Variants in SPHKAP observed in about 807,000 individuals in gnomAD.
SPHKAP encodes A-kinase anchor protein SPHKAP.
Under a neutral mutation model 137.5 loss-of-function variants are expected in SPHKAP, and 67 were observed. The ratio of observed to expected loss-of-function variants is 0.49; its 90% CI spans 0.40 to 0.60. The LOEUF (loss-of-function observed/expected upper bound fraction) is 0.60, where lower values mean the gene tolerates loss of function less well. Among genes scored for constraint, SPHKAP ranks in the 20% least tolerant of loss-of-function variants. SPHKAP has a pLI of 0.00. For synonymous variants in SPHKAP, 813 were observed against 785.3 expected (o/e 1.04, Z -0.59); for missense variants, 2,097 against 2,069.3 (o/e 1.01, Z -0.26).
At chr2:228,129,395 T>C (rs1396564143) in intron 2 of SPHKAP, among the ~76,000 whole-genome samples, 4 of 152,190 alleles carry the variant, frequency 2.6e-5, no homozygotes, top group Admixed American at 2.6e-4. Flanking sequence ...ATAGTTTAAC[T>C]TATGAATTAT....
At chr2:228,058,836 G>A (rs1443968427) in intron 3 of SPHKAP, among the ~76,000 whole-genome samples, 1 of 152,012 alleles carries the variant, frequency 6.6e-6, no homozygotes, top group African/African-American at 2.4e-5. Context: ...TCACCTTTTT[G>A]GGCAAACAGT....
At chr2:228,158,176 G>T (rs1700164857) in intron 1 of SPHKAP, among the ~76,000 whole-genome samples, 1 of 152,176 alleles carries the variant, frequency 6.6e-6, no homozygotes, top group African/African-American at 2.4e-5. Flanking sequence ...TCTGTTCAAT[G>T]TTGACCATAC....
intron 1 of SPHKAP, among the ~76,000 whole-genome samples, chr2:228,158,920 A>G (rs1162934414): frequency 1.3e-5 from 2 of 152,144 alleles, no homozygotes; most frequent in East Asian, 3.9e-4. Context: ...AAATACTTCC[A>G]ATTTTGCTCT....
intron 2 of SPHKAP, chr2:228,131,310 C>G: frequency 1.0e-6 from 1 of 985,110 alleles, no homozygotes. Flanking sequence ...GAAACATATA[C>G]TTCCCTGGAA....
At chr2:228,129,916 C>T (rs1199878021) in intron 2 of SPHKAP, among the ~76,000 whole-genome samples, 3 of 151,506 alleles carry the variant, frequency 2.0e-5, no homozygotes. Flanking sequence ...CTTGTCTCAA[C>T]CGCCCGAGTA....
At chr2:228,092,975 G>A (rs1697855487) in intron 3 of SPHKAP, among the ~76,000 whole-genome samples, 1 of 151,954 alleles carries the variant, frequency 6.6e-6, no homozygotes, top group Admixed American at 6.6e-5. Flanking sequence ...CTCAGGTAAT[G>A]GGTGCACCAA....
chr2:228,038,282 G>C (rs543508563), intron 3 of SPHKAP, among the ~76,000 whole-genome samples: 25 of 152,336 alleles, frequency 1.6e-4, no homozygotes, highest in African/African-American at 6.0e-4. Flanking sequence ...GGCTGAATTT[G>C]AGGTGAGCTT....
rs776329075 is a variant in SPHKAP at position 228,019,428 on chromosome 2, A to T, written c.1426T>A (p.Ser476Thr). 3.7e-6 allele frequency: 6 copies of T among 1,614,038 alleles called. No individual in the cohort carries two copies. The highest frequency in any genetic ancestry group is 1.3e-5 in the African/African-American group (1 of 74,920). Residue 476 changes from serine to threonine, a missense_variant, in exon 7 of 12, where the codon TCT becomes ACT. Ser to Thr is a moderately conservative substitution (Grantham distance 58, BLOSUM62 1). Coordinates refer to ENST00000392056, the MANE Select transcript of SPHKAP (RefSeq NM_001142644.2). The stretch of plus-strand genomic sequence containing the variant: ...GAGAGGATGCTTGAGGTTTCAACAG[A>T]GACTTCCATCTCAGGCCAGGAGGAG... ...GISSWPEMEVSVETSSILSGE... is the reference protein window; with the variant it reads ...GISSWPEMEVTVETSSILSGE...
At chr2:228,168,357 A>T (rs1379233841) in intron 1 of SPHKAP, among the ~76,000 whole-genome samples, 1 of 152,170 alleles carries the variant, frequency 6.6e-6, no homozygotes, top group Non-Finnish European at 1.5e-5. Flanking sequence ...GGTTTGTTGA[A>T]ATTGTGCATC....
At chr2:228,054,715 G>T (rs542452309) in intron 3 of SPHKAP, among the ~76,000 whole-genome samples, 47 of 152,234 alleles carry the variant, frequency 3.1e-4, no homozygotes, top group African/African-American at 1.1e-3. Flanking sequence ...GGAGTTAAGA[G>T]CTTATCTGCT....
chr2:228,025,307 G>C, intron 5 of SPHKAP, 87 bp downstream of exon 5: 2 of 1,320,678 alleles, frequency 1.5e-6, no homozygotes. Context: ...AGAAGCTTAT[G>C]TGTAGCATCT....
intron 1 of SPHKAP, among the ~76,000 whole-genome samples, chr2:228,142,926 C>T (rs1461949515): frequency 6.6e-6 from 1 of 152,130 alleles, no homozygotes; most frequent in Admixed American, 6.5e-5. Context: ...CTGAAAACCA[C>T]CTGCCCATAC....
chr2:228,154,334 T>G (rs1055055050), intron 1 of SPHKAP, among the ~76,000 whole-genome samples: 1 of 151,406 alleles, frequency 6.6e-6, no homozygotes. Flanking sequence ...TAAAGAATAT[T>G]AGGGAGATTT....
intron 9 of SPHKAP, chr2:227,991,841 AAG>A (rs1211170836): frequency 2.1e-5 from 9 of 425,676 alleles, no homozygotes; most frequent in Non-Finnish European, 2.8e-5. Context: ...AATAAGAAAA[AAG>A]ACAACCAACA....
intron 2 of SPHKAP, among the ~76,000 whole-genome samples, chr2:228,123,843 G>A (rs982965294): frequency 4.6e-5 from 7 of 151,842 alleles, no homozygotes; most frequent in Non-Finnish European, 7.4e-5. Context: ...TCTGACAAAG[G>A]GCTAATATCC....
chr2:228,020,915 A>C (rs946289839), intron 6 of SPHKAP, among the ~76,000 whole-genome samples: 6 of 152,014 alleles, frequency 3.9e-5, no homozygotes, highest in Non-Finnish European at 8.8e-5. Flanking sequence ...GGCTGCCACC[A>C]TTTTTCAGGG....
chr2:228,144,702 T>G (rs982746303), intron 1 of SPHKAP, among the ~76,000 whole-genome samples: 4 of 152,198 alleles, frequency 2.6e-5, no homozygotes, highest in African/African-American at 4.8e-5. Context: ...CTATTACACT[T>G]AAGAGTTCTG....
intron 3 of SPHKAP, among the ~76,000 whole-genome samples, chr2:228,035,475 C>G (rs998845637): frequency 2.6e-5 from 4 of 152,008 alleles, no homozygotes; most frequent in African/African-American, 9.7e-5. Flanking sequence ...TTTATAGATT[C>G]AATGCCATCC....
chr2:228,007,472 C>T (rs571284910), intron 7 of SPHKAP, among the ~76,000 whole-genome samples: 3 of 152,064 alleles, frequency 2.0e-5, no homozygotes, highest in Non-Finnish European at 4.4e-5. Context: ...TCTCTGTCCA[C>T]CTCCCCCAGT....
Sources: gnomAD v4.1 joint callset for allele counts (sites outside exome capture counted in the v4.1 genomes callset) on GRCh38, gnomAD v4.1.1 for gene constraint, MANE v1.5 for transcripts, NCBI Gene and HGNC (gene_info 2026-07-23, HGNC 2026-07-21) for gene names.